The following MARCHF3 variants were observed in gnomAD, a reference collection of about 807,000 sequenced individuals.
MARCHF3 encodes membrane associated ring-CH-type finger 3.
In MARCHF3, 13 loss-of-function variants were observed where a neutral mutation model predicts 24.2. The ratio of observed to expected loss-of-function variants is 0.54; its 90% CI spans 0.35 to 0.85. The LOEUF (loss-of-function observed/expected upper bound fraction) is 0.85, where lower values mean the gene tolerates loss of function less well. Ranked by LOEUF, MARCHF3 falls within the 40% of genes least tolerant of loss-of-function variation. MARCHF3 has a pLI of 0.01. For missense variants in MARCHF3, 276 were observed against 325.0 expected (o/e 0.85, Z 1.16); for synonymous variants, 144 against 137.3 (o/e 1.05, Z -0.34).
At chr5:126,939,226 G>C (rs993686506) in intron 1 of MARCHF3, among the ~76,000 whole-genome samples, 1 of 152,150 alleles carries the variant, frequency 6.6e-6, no homozygotes. Flanking sequence ...ACCCCCTTGA[G>C]TATGCCTTCC....
At chr5:126,949,572 T>G (rs1475320003) in intron 1 of MARCHF3, among the ~76,000 whole-genome samples, 2 of 152,256 alleles carry the variant, frequency 1.3e-5, no homozygotes, top group East Asian at 3.9e-4. Context: ...CAGCAACCCT[T>G]CATCTGAGAC....
chr5:126,886,787 C>T (rs1055924149), intron 3 of MARCHF3, among the ~76,000 whole-genome samples: 5 of 152,146 alleles, frequency 3.3e-5, no homozygotes, highest in African/African-American at 9.7e-5. Flanking sequence ...CAAATAGATT[C>T]CTCTCTCAGG....
intron 1 of MARCHF3, among the ~76,000 whole-genome samples, chr5:126,973,658 A>G (rs1005560868): frequency 1.3e-5 from 2 of 152,240 alleles, no homozygotes; most frequent in African/African-American, 2.4e-5. Context: ...TACCTACTTC[A>G]GTAGTGCTAG....
At chr5:126,978,083 A>G (rs1426715908) in intron 1 of MARCHF3, among the ~76,000 whole-genome samples, 2 of 152,234 alleles carry the variant, frequency 1.3e-5, no homozygotes, top group African/African-American at 2.4e-5. Context: ...CCCCCAAGAG[A>G]AAGGCTTTGG....
intron 1 of MARCHF3, among the ~76,000 whole-genome samples, chr5:127,019,769 G>C (rs73783503): frequency 0.049 from 7,452 of 151,540 alleles, 342 homozygotes; most frequent in South Asian, 0.14. Flanking sequence ...GATAATACAC[G>C]TCCTTACTGT....
At chr5:126,896,472 A>C (rs1381728659) in intron 3 of MARCHF3, among the ~76,000 whole-genome samples, 1 of 152,136 alleles carries the variant, frequency 6.6e-6, no homozygotes, top group East Asian at 1.9e-4. Flanking sequence ...GCTCTGCTCC[A>C]ACTGGGAAAC....
At chr5:126,991,675 C>T (rs889449799) in intron 1 of MARCHF3, among the ~76,000 whole-genome samples, 1 of 151,614 alleles carries the variant, frequency 6.6e-6, no homozygotes, top group Non-Finnish European at 1.5e-5. Context: ...GAGCTGAGAA[C>T]GCACCACTGT....
At chr5:126,882,148 G>T (rs1374895868) in intron 3 of MARCHF3, among the ~76,000 whole-genome samples, 3 of 152,194 alleles carry the variant, frequency 2.0e-5, no homozygotes, top group South Asian at 4.1e-4. Flanking sequence ...TCAGAGGTGA[G>T]ATTTAAACCA....
intron 1 of MARCHF3, among the ~76,000 whole-genome samples, chr5:126,983,712 C>G (rs1336488912): frequency 6.6e-6 from 1 of 152,166 alleles, no homozygotes; most frequent in African/African-American, 2.4e-5. Flanking sequence ...TCCAACTTGT[C>G]CCTTCCCTCA....
intron 3 of MARCHF3, among the ~76,000 whole-genome samples, chr5:126,908,179 C>T (rs1028407208): frequency 4.6e-5 from 7 of 152,150 alleles, no homozygotes; most frequent in Non-Finnish European, 7.4e-5. Context: ...AGAGTTCCTG[C>T]CGACAGATCT....
chr5:126,962,830 T>TGC (rs1256879108), intron 1 of MARCHF3, among the ~76,000 whole-genome samples: 49 of 53,982 alleles, frequency 9.1e-4, no homozygotes, highest in East Asian at 4.7e-3. Context: ...TGTGTGTGTG[T>TGC]GTGCGTGTGT....
chr5:126,916,944 A>AT (rs1245806702), intron 2 of MARCHF3, among the ~76,000 whole-genome samples: 1 of 152,112 alleles, frequency 6.6e-6, no homozygotes, highest in Admixed American at 6.5e-5. Context: ...AGGTTTTTCT[A>AT]TTTTTTCCTT....
At chr5:126,994,269 T>C (rs1751872317) in intron 1 of MARCHF3, among the ~76,000 whole-genome samples, 1 of 152,176 alleles carries the variant, frequency 6.6e-6, no homozygotes, top group Non-Finnish European at 1.5e-5. Context: ...AGGCTACATA[T>C]GATTCCATTT....
chr5:126,878,121 C>G, intron 4 of MARCHF3, 64 bp downstream of exon 4: 1 of 1,522,740 alleles, frequency 6.6e-7, no homozygotes, highest in Non-Finnish European at 9.1e-7. Context: ...AGAGGAAAGG[C>G]TTGTGCCAGC....
intron 3 of MARCHF3, among the ~76,000 whole-genome samples, chr5:126,880,326 G>T (rs1157141350): frequency 7.2e-5 from 11 of 152,128 alleles, no homozygotes; most frequent in African/African-American, 2.7e-4. Flanking sequence ...CTCGAAAGTG[G>T]ACACAAATAA....
intron 1 of MARCHF3, among the ~76,000 whole-genome samples, chr5:127,011,093 C>T (rs1752457063): frequency 2.6e-5 from 4 of 152,178 alleles, no homozygotes; most frequent in Non-Finnish European, 5.9e-5. Flanking sequence ...AGCCTTCATA[C>T]TACTAACTTC....
At chr5:126,895,559 G>A (rs545172050) in intron 3 of MARCHF3, among the ~76,000 whole-genome samples, 3 of 152,200 alleles carry the variant, frequency 2.0e-5, no homozygotes, top group Admixed American at 2.0e-4. Flanking sequence ...AGGTCTGTTG[G>A]AATACCCTGC....
chr5:126,923,326 G>A (rs1580647671), intron 1 of MARCHF3, among the ~76,000 whole-genome samples: 2 of 152,308 alleles, frequency 1.3e-5, no homozygotes, highest in East Asian at 3.9e-4. Context: ...AGGCCTACTT[G>A]TATCAGAACG....
At chr5:126,883,744 C>T (rs1753415253) in intron 3 of MARCHF3, among the ~76,000 whole-genome samples, 1 of 152,196 alleles carries the variant, frequency 6.6e-6, no homozygotes, top group African/African-American at 2.4e-5. Flanking sequence ...GAACTTTAGA[C>T]TCTGCCTCCC....
Sources: gnomAD v4.1 joint callset for allele counts (sites outside exome capture counted in the v4.1 genomes callset) on GRCh38, gnomAD v4.1.1 for gene constraint, MANE v1.5 for transcripts, NCBI Gene and HGNC (gene_info 2026-07-23, HGNC 2026-07-21) for gene names.